STPG2: variants seen among roughly 807,000 people sequenced by gnomAD.
STPG2 encodes the protein sperm tail PG-rich repeat containing 2.
In STPG2, 56 loss-of-function variants were observed where a neutral mutation model predicts 54.2. The observed-to-expected ratio is 1.03, with a 90% CI of 0.83 to 1.29. The LOEUF is 1.29. STPG2 is among the 50% of genes most tolerant of loss of function. The pLI is 0.00. For missense variants in STPG2, 596 were observed against 544.9 expected, an observed-to-expected ratio of 1.09 and a Z score of -0.93; for synonymous variants, 200 against 181.8, an observed-to-expected ratio of 1.10 and a Z score of -0.81.
At chr4:97,638,156 A>G (rs1444830620) in intron 10 of STPG2, among the ~76,000 whole-genome samples, 2 of 152,164 alleles carry the variant, frequency 1.3e-5, no homozygotes, top group Non-Finnish European at 2.9e-5. Context: ...ATATAGATCA[A>G]TGGAACAGAA....
At chr4:97,598,565 A>AC in intron 10 of STPG2, among the ~76,000 whole-genome samples, 1 of 151,926 alleles carries the variant, frequency 6.6e-6, no homozygotes, top group South Asian at 2.1e-4. Context: ...TAAAAAAAAA[A>AC]AAAACAGACA....
intron 5 of STPG2, among the ~76,000 whole-genome samples, chr4:98,032,473 G>A (rs1264501589): frequency 6.6e-6 from 1 of 152,018 alleles, no homozygotes; most frequent in South Asian, 2.1e-4. Context: ...AAGACACAGA[G>A]ACTCCCACAC....
At chr4:97,734,155 C>T (rs1001531714) in intron 9 of STPG2, among the ~76,000 whole-genome samples, 4 of 152,044 alleles carry the variant, frequency 2.6e-5, no homozygotes, top group African/African-American at 9.7e-5. Flanking sequence ...AGTTATATGG[C>T]CTTTACTGTA....
chr4:97,780,826 T>A (rs1442204518), intron 9 of STPG2, among the ~76,000 whole-genome samples: 1 of 152,056 alleles, frequency 6.6e-6, no homozygotes, highest in Non-Finnish European at 1.5e-5. Flanking sequence ...TGCTCCTGAA[T>A]GACTACTGGG....
chr4:97,828,024 C>A (rs1728318615), intron 9 of STPG2, among the ~76,000 whole-genome samples: 1 of 152,110 alleles, frequency 6.6e-6, no homozygotes, highest in African/African-American at 2.4e-5. Context: ...TCTGATATTC[C>A]TTTTATGGAA....
chr4:97,566,167 C>T (rs1028290712), intron 10 of STPG2, among the ~76,000 whole-genome samples: 7 of 152,184 alleles, frequency 4.6e-5, no homozygotes, highest in Non-Finnish European at 8.8e-5. Context: ...AGCCTCGCTG[C>T]CACCTTGCAG....
intron 3 of STPG2, among the ~76,000 whole-genome samples, chr4:98,110,833 T>C (rs1739326763): frequency 6.6e-6 from 1 of 152,144 alleles, no homozygotes; most frequent in East Asian, 1.9e-4. Flanking sequence ...ATTACTATTC[T>C]ACAGCAGTGG....
chr4:98,101,655 T>G (rs776751830), intron 5 of STPG2, among the ~76,000 whole-genome samples: 1 of 151,988 alleles, frequency 6.6e-6, no homozygotes, highest in African/African-American at 2.4e-5. Flanking sequence ...TAAACAGAAC[T>G]AAAAAAAATT....
Position 97,457,136 on chromosome 4 carries a change from C to T in STPG2, c.462+255563G>A, listed in dbSNP as rs1456409846. Among the ~76,000 whole-genome samples, 6 of 152,254 alleles carry T rather than the reference C, an allele frequency of 3.9e-5. No individual in the cohort carries two copies. In the East Asian group the frequency reaches 1.2e-3, roughly 29 times the overall value. ...GGTGAGGATGTAAAGCAAAAGTACT[C>T]TTATTCCTTGCTGGTGGGAATACAA... On this transcript the variant is annotated intron_variant, in intron 4 of 4. Transcript: ENST00000522676.
chr4:97,500,484 T>TA (rs1578345828), intron 4 of STPG2, among the ~76,000 whole-genome samples: 1 of 151,906 alleles, frequency 6.6e-6, no homozygotes, highest in East Asian at 1.9e-4. Flanking sequence ...TGACTGGAGA[T>TA]AAAATATAAG....
intron 9 of STPG2, among the ~76,000 whole-genome samples, chr4:97,782,254 G>A (rs1726654028): frequency 1.3e-5 from 2 of 152,272 alleles, no homozygotes; most frequent in Non-Finnish European, 2.9e-5. Context: ...CAAAATCAAT[G>A]TGCAAAAATC....
At chr4:97,878,557 C>CTG (rs932873485) in intron 8 of STPG2, among the ~76,000 whole-genome samples, 1 of 152,228 alleles carries the variant, frequency 6.6e-6, no homozygotes, top group African/African-American at 2.4e-5. Flanking sequence ...ACAGCCCAAG[C>CTG]TGTACCTTGC....
chr4:97,864,042 C>G (rs548853141), intron 8 of STPG2, among the ~76,000 whole-genome samples: 4 of 152,236 alleles, frequency 2.6e-5, no homozygotes, highest in African/African-American at 9.6e-5. Flanking sequence ...TGGCACAAGA[C>G]AGGGATGCCC....
At chr4:98,015,484 A>C (rs2149286010) in intron 5 of STPG2, among the ~76,000 whole-genome samples, 1 of 152,336 alleles carries the variant, frequency 6.6e-6, no homozygotes, top group Admixed American at 6.5e-5. Flanking sequence ...TCATTACAGA[A>C]ATGCAAATCA....
At chr4:97,851,281 GTGAC>G (rs2149131126) in intron 8 of STPG2, among the ~76,000 whole-genome samples, 1 of 152,274 alleles carries the variant, frequency 6.6e-6, no homozygotes, top group Admixed American at 6.5e-5. Flanking sequence ...CAAACAGTAA[GTGAC>G]TGACACATAT....
intron 9 of STPG2, among the ~76,000 whole-genome samples, chr4:97,732,825 C>T (rs1490500536): frequency 6.6e-6 from 1 of 151,920 alleles, no homozygotes; most frequent in Non-Finnish European, 1.5e-5. Context: ...GGCCAACAAA[C>T]ATGAAAAAAT....
chr4:98,007,510 A>G (rs562199272), intron 5 of STPG2, among the ~76,000 whole-genome samples: 12 of 152,316 alleles, frequency 7.9e-5, no homozygotes, highest in Admixed American at 2.6e-4. Context: ...CTGCTTCTCT[A>G]GAGGAGAAGT....
At chr4:97,759,145 C>T (rs754366941) in intron 9 of STPG2, among the ~76,000 whole-genome samples, 4 of 152,046 alleles carry the variant, frequency 2.6e-5, no homozygotes, top group Admixed American at 6.6e-5. Context: ...GGCAGGCAAA[C>T]AAAGTCATCC....
intron 8 of STPG2, among the ~76,000 whole-genome samples, chr4:97,861,510 C>G (rs1056902716): frequency 2.0e-5 from 3 of 152,074 alleles, no homozygotes; most frequent in Admixed American, 2.0e-4. Context: ...CCCATGTAAC[C>G]AAAAGAAAAG....
Sources: gnomAD v4.1 joint callset for allele counts (sites outside exome capture counted in the v4.1 genomes callset) on GRCh38, gnomAD v4.1.1 for gene constraint, MANE v1.5 for transcripts, NCBI Gene and HGNC (gene_info 2026-07-23, HGNC 2026-07-21) for gene names.